Variants in NXPH2 observed in about 807,000 individuals in gnomAD.
NXPH2 encodes the protein neurexophilin-2.
In NXPH2, 5 loss-of-function variants were observed where a neutral mutation model predicts 19.8. The observed-to-expected ratio is 0.25, with a 90% confidence interval of 0.13 to 0.53. The LOEUF is 0.53. NXPH2 is among the 20% of genes least tolerant of loss of function. The pLI is 0.96. For synonymous variants in NXPH2, 154 were observed against 127.4 expected (o/e 1.21, Z -1.41); for missense variants, 289 against 322.8 (o/e 0.90, Z 0.80).
chr2:138,760,397 T>C (rs1422251138), intron 1 of NXPH2, among the ~76,000 whole-genome samples: 2 of 152,184 alleles, frequency 1.3e-5, no homozygotes, highest in Non-Finnish European at 2.9e-5. Context: ...CCCCACAGGT[T>C]AGAAACATGC....
intron 1 of NXPH2, among the ~76,000 whole-genome samples, chr2:138,763,578 A>G: frequency 6.6e-6 from 1 of 152,198 alleles, no homozygotes; most frequent in East Asian, 1.9e-4. Flanking sequence ...TACTGAGCAT[A>G]TCCTTTCTTT....
chr2:138,685,815 G>A (rs764549110), intron 1 of NXPH2, among the ~76,000 whole-genome samples: 7 of 152,144 alleles, frequency 4.6e-5, no homozygotes, highest in Non-Finnish European at 8.8e-5. Flanking sequence ...TTTGGACTTA[G>A]GGCCAAGTGT....
At chr2:138,742,983 C>T (rs2105007122) in intron 1 of NXPH2, among the ~76,000 whole-genome samples, 1 of 152,258 alleles carries the variant, frequency 6.6e-6, no homozygotes, top group Non-Finnish European at 1.5e-5. Context: ...CTTCTAAATC[C>T]ATGTGTATTA....
intron 1 of NXPH2, among the ~76,000 whole-genome samples, chr2:138,732,089 C>T (rs1469503867): frequency 6.6e-6 from 1 of 152,164 alleles, no homozygotes; most frequent in Admixed American, 6.5e-5. Context: ...GGTTAAGGAA[C>T]TGGCTTACTG....
chr2:138,713,311 G>T (rs1298206679), intron 1 of NXPH2, among the ~76,000 whole-genome samples: 4 of 152,158 alleles, frequency 2.6e-5, no homozygotes, highest in East Asian at 1.9e-4. Flanking sequence ...AGGATTTGTT[G>T]TTGACCCAAA....
chr2:138,733,594 T>C (rs556587779), intron 1 of NXPH2, among the ~76,000 whole-genome samples: 1 of 152,320 alleles, frequency 6.6e-6, no homozygotes, highest in East Asian at 1.9e-4. Context: ...ATTGTCATTT[T>C]ACGTGAAAAT....
chr2:138,733,364 CA>C (rs1338591673), intron 1 of NXPH2, among the ~76,000 whole-genome samples: 1 of 152,152 alleles, frequency 6.6e-6, no homozygotes, highest in Non-Finnish European at 1.5e-5. Flanking sequence ...TGAATTTAAA[CA>C]GGGGCTGAAT....
chr2:138,707,647 GA>G (rs75245027), intron 1 of NXPH2, among the ~76,000 whole-genome samples: 17,696 of 152,132 alleles, frequency 0.12, 1,370 homozygotes, highest in Middle Eastern at 0.28. Context: ...TGCACATTTG[GA>G]AAGCTTTTGC....
At chr2:138,739,025 G>T (rs1219261876) in intron 1 of NXPH2, among the ~76,000 whole-genome samples, 1 of 152,046 alleles carries the variant, frequency 6.6e-6, no homozygotes, top group African/African-American at 2.4e-5. Flanking sequence ...TTTGAGAGGG[G>T]AAACTTCTAA....
chr2:138,756,541 A>T (rs530420065), intron 1 of NXPH2, among the ~76,000 whole-genome samples: 1 of 152,110 alleles, frequency 6.6e-6, no homozygotes, highest in East Asian at 1.9e-4. Flanking sequence ...TTAATCTTTC[A>T]AAAGTGTTTA....
chr2:138,677,532 G>T (rs779572145), intron 1 of NXPH2, among the ~76,000 whole-genome samples: 4 of 152,188 alleles, frequency 2.6e-5, no homozygotes, highest in Non-Finnish European at 4.4e-5. Flanking sequence ...GGAAGGAAGG[G>T]AGTAGAAGAA....
chr2:138,694,802 A>G (rs4954717), intron 1 of NXPH2, among the ~76,000 whole-genome samples: 145,005 of 152,288 alleles, frequency 0.95, 69,156 homozygotes, highest in East Asian at 1. Context: ...CAACTAGTCA[A>G]CCACACAATC....
intron 1 of NXPH2, among the ~76,000 whole-genome samples, chr2:138,683,894 T>C (rs891276853): frequency 6.6e-6 from 1 of 152,208 alleles, no homozygotes; most frequent in African/African-American, 2.4e-5. Context: ...ATTCACAGTG[T>C]ATTGGGGATT....
intron 1 of NXPH2, among the ~76,000 whole-genome samples, chr2:138,750,390 G>GA (rs1235413786): frequency 6.6e-6 from 1 of 151,930 alleles, no homozygotes; most frequent in Admixed American, 6.6e-5. Flanking sequence ...ATAAGCAAAT[G>GA]AAGGATTAAG....
intron 1 of NXPH2, among the ~76,000 whole-genome samples, chr2:138,752,102 C>T (rs1681836961): frequency 6.6e-6 from 1 of 152,154 alleles, no homozygotes; most frequent in Non-Finnish European, 1.5e-5. Flanking sequence ...TAAAGGCCTC[C>T]TGTATCTAAC....
chr2:138,710,902 C>T (rs1681095311), intron 1 of NXPH2, among the ~76,000 whole-genome samples: 1 of 152,126 alleles, frequency 6.6e-6, no homozygotes, highest in Non-Finnish European at 1.5e-5. Context: ...TCCTCAGTCT[C>T]TCCCCGACCT....
intron 1 of NXPH2, among the ~76,000 whole-genome samples, chr2:138,706,399 A>AT (rs1301061020): frequency 6.6e-6 from 1 of 152,198 alleles, no homozygotes; most frequent in Non-Finnish European, 1.5e-5. Context: ...AGATTAACCA[A>AT]TGTTCTCCAT....
At chr2:138,695,868 G>A (rs1680821746) in intron 1 of NXPH2, among the ~76,000 whole-genome samples, 1 of 152,046 alleles carries the variant, frequency 6.6e-6, no homozygotes, top group African/African-American at 2.4e-5. Flanking sequence ...ATAATGACAA[G>A]GACAGGCATA....
intron 1 of NXPH2, among the ~76,000 whole-genome samples, chr2:138,754,002 T>C (rs1287111054): frequency 6.6e-6 from 1 of 152,128 alleles, no homozygotes; most frequent in East Asian, 1.9e-4. Context: ...CAATTTTTTT[T>C]GTTGTTTGTT....
Sources: allele counts gnomAD v4.1 joint callset (sites outside exome capture counted in the v4.1 genomes callset), GRCh38; gene constraint gnomAD v4.1.1; transcripts MANE v1.5; gene names NCBI Gene and HGNC (gene_info 2026-07-23, HGNC 2026-07-21).